HERC3: variants seen among roughly 807,000 people sequenced by gnomAD.
HERC3 encodes the protein HECT and RLD domain containing E3 ubiquitin protein ligase 3.
Under a neutral mutation model 129.9 loss-of-function variants are expected in HERC3, and 58 were observed. The observed-to-expected ratio is 0.45, with a 90% confidence interval of 0.36 to 0.56. The LOEUF (loss-of-function observed/expected upper bound fraction) is 0.56, where lower values mean the gene tolerates loss of function less well. HERC3 is among the 20% of genes least tolerant of loss of function. The probability of loss-of-function intolerance (pLI) is 0.00; values close to 1 mark genes in which losing one functional copy is unlikely to be tolerated. For missense variants in HERC3, 835 were observed against 1,244.2 expected, an observed-to-expected ratio of 0.67 and a Z score of 4.95; for synonymous variants, 430 against 451.0, an observed-to-expected ratio of 0.95 and a Z score of 0.59.
Position 88,655,734 on chromosome 4 carries a change from C to T in HERC3, c.909-141C>T, listed in dbSNP as rs1177478104. 5.3e-6 allele frequency: 4 copies of T among 758,180 alleles called. No homozygotes were observed. In the African/African-American group the frequency reaches 7.0e-5, roughly 13 times the overall value. The allele number at this position is 758,180 out of a possible 1,614,324, so 47.0% of individuals were successfully genotyped here. The stretch of plus-strand genomic sequence containing the variant: ...ATAGTATTATGGAGAGCAGCCGCTG[C>T]AAGAAGAGTCACGTGTTAACATGGG... On this transcript the variant is annotated intron_variant, in intron 8 of 25. Transcript: ENST00000402738.
intron 3 of HERC3, among the ~76,000 whole-genome samples, chr4:88,614,119 G>A (rs17014279): frequency 0.044 from 6,637 of 152,174 alleles, 183 homozygotes; most frequent in Middle Eastern, 0.12. Flanking sequence ...GGTTTGCTTC[G>A]TGAAACAAGA....
chr4:88,667,918 G>C lies in HERC3; in HGVS notation c.1470G>C (p.Leu490=), dbSNP rs1470494284. ...EQILNSFESC[L]IPQLSSSPPD... ...TTTTGAACAGTTTTGAAAGTTGTCT[G>C]ATTCCCCAGTTGTCAAGCTCACCAC... Residue 490 remains leucine, a synonymous_variant, in exon 14 of 26, where the codon CTG becomes CTC. Transcript: ENST00000402738. 6.2e-7 allele frequency: 1 copy of C among 1,612,886 alleles called. No homozygotes were observed. Among genetic ancestry groups the C allele is most frequent in the Admixed American group, 1.7e-5 (1 of 59,882 alleles).
Position 88,627,729 on chromosome 4 carries a change from C to T in HERC3, c.226+21680C>T, listed in dbSNP as rs181544595. Reference sequence around the variant, plus strand: ...ACCAGCCTGGCTGACATGGTGAAACCCTGTTTCTACTAAAAATACAAAAAA... The same window carrying T: ...ACCAGCCTGGCTGACATGGTGAAACTCTGTTTCTACTAAAAATACAAAAAA... On this transcript the variant is annotated intron_variant, in intron 3 of 25. Coordinates refer to ENST00000402738, the MANE Select transcript of HERC3 (RefSeq NM_014606.3). Among the ~76,000 whole-genome samples the T allele has an allele frequency of 1.5e-3, 229 of 151,224 alleles. 1 individual carries two copies. Among genetic ancestry groups the T allele is most frequent in the African/African-American group, 5.4e-3 (221 of 41,258 alleles).
At chr4:88,617,394 C>T (rs1243355194) in intron 3 of HERC3, among the ~76,000 whole-genome samples, 1 of 152,088 alleles carries the variant, frequency 6.6e-6, no homozygotes, top group Admixed American at 6.5e-5. Context: ...AAATCCCCAA[C>T]ATTTTCCACT....
At chr4:88,585,830 TAGAA>T in the HERC3 span, among the ~76,000 whole-genome samples, 5,084 of 152,202 alleles carry the variant, frequency 0.033, 281 homozygotes, top group East Asian at 0.27. Flanking sequence ...TTTACTTAAC[TAGAA>T]GATTTTAACA....
At chr4:88,607,674 G>T (rs1198704802) in intron 3 of HERC3, among the ~76,000 whole-genome samples, 1 of 152,086 alleles carries the variant, frequency 6.6e-6, no homozygotes, top group African/African-American at 2.4e-5. Flanking sequence ...TTGCCATGTT[G>T]TCCAGGCTGG....
chr4:88,649,793 C>G, intron 3 of HERC3, 47 bp from the exon 4 acceptor site: 1 of 1,554,884 alleles, frequency 6.4e-7, no homozygotes, highest in Non-Finnish European at 8.8e-7. Flanking sequence ...TAGCAGTATT[C>G]CTGTTTCTGG....
At chr4:88,615,437 T>G (rs1724800863) in intron 3 of HERC3, among the ~76,000 whole-genome samples, 1 of 152,230 alleles carries the variant, frequency 6.6e-6, no homozygotes. Context: ...TCTCATATCC[T>G]TGTAGACTTT....
At chr4:88,654,169 G>A in intron 7 of HERC3, 36 bp downstream of exon 7, 1 of 1,395,532 alleles carries the variant, frequency 7.2e-7, no homozygotes, top group Non-Finnish European at 1.0e-6. Flanking sequence ...TGGTGCTGGG[G>A]ATATGATGGG....
chr4:88,633,613 A>G (rs1727016037), intron 3 of HERC3, among the ~76,000 whole-genome samples: 2 of 152,234 alleles, frequency 1.3e-5, no homozygotes, highest in South Asian at 4.1e-4. Flanking sequence ...AAGGCAAGAA[A>G]GAGGAAATGA....
intron 3 of HERC3, among the ~76,000 whole-genome samples, chr4:88,641,538 A>G (rs558694304): frequency 2.1e-4 from 32 of 152,368 alleles, no homozygotes; most frequent in Admixed American, 8.5e-4. Context: ...GAAAAGATCA[A>G]TAAAATGATA....
intron 3 of HERC3, among the ~76,000 whole-genome samples, chr4:88,621,390 G>A (rs932035003): frequency 3.3e-5 from 5 of 152,204 alleles, no homozygotes; most frequent in African/African-American, 1.2e-4. Context: ...ACAGGTGTGA[G>A]CCACCGTGCC....
chr4:88,528,674 T>G, the HERC3 span, among the ~76,000 whole-genome samples: 107 of 152,176 alleles, frequency 7.0e-4, 1 homozygote, highest in African/African-American at 2.4e-3. Context: ...AATTACAGAG[T>G]GCTCTTTCTC....
intron 21 of HERC3, among the ~76,000 whole-genome samples, chr4:88,686,014 G>C (rs961611033): frequency 6.6e-6 from 1 of 152,058 alleles, no homozygotes; most frequent in Admixed American, 6.6e-5. Context: ...AAATTATATT[G>C]TTGTTGAAGA....
chr4:88,636,610 A>C (rs2930803), intron 3 of HERC3, among the ~76,000 whole-genome samples: 8,210 of 152,260 alleles, frequency 0.054, 586 homozygotes, highest in East Asian at 0.26. Flanking sequence ...AAGGATATTC[A>C]GGACTTGAAC....
chr4:88,565,155 A>C, the HERC3 span, among the ~76,000 whole-genome samples: 1 of 152,024 alleles, frequency 6.6e-6, no homozygotes, highest in East Asian at 1.9e-4. Context: ...ATTCTCAAGG[A>C]TATGTTCTAT....
chr4:88,705,091 T>C (rs1735668587), intron 25 of HERC3, among the ~76,000 whole-genome samples: 1 of 152,138 alleles, frequency 6.6e-6, no homozygotes, highest in African/African-American at 2.4e-5. Flanking sequence ...CGTCTTGAAC[T>C]CCTGACCTCA....
intron 18 of HERC3, among the ~76,000 whole-genome samples, chr4:88,676,791 A>G (rs957777295): frequency 6.6e-6 from 1 of 152,216 alleles, no homozygotes; most frequent in East Asian, 1.9e-4. Context: ...CATATTATAT[A>G]ATTTTTACAT....
At chr4:88,589,669 C>G (rs565436022), upstream of HERC3, among the ~76,000 whole-genome samples, 1 of 152,292 alleles carries the variant, frequency 6.6e-6, no homozygotes, top group East Asian at 1.9e-4. Context: ...CTCTTCAAAA[C>G]AGTTTACGTA....
Sources: allele counts gnomAD v4.1 joint callset (sites outside exome capture counted in the v4.1 genomes callset), GRCh38; gene constraint gnomAD v4.1.1; transcripts MANE v1.5; gene names NCBI Gene and HGNC (gene_info 2026-07-23, HGNC 2026-07-21).